PDE8B: variants seen among roughly 807,000 people sequenced by gnomAD.
The protein encoded by PDE8B is high affinity cAMP-specific and IBMX-insensitive 3',5'-cyclic phosphodiesterase 8B.
PDE8B carries 26 observed loss-of-function variants against 101.3 expected under a neutral mutation model. The observed-to-expected ratio is 0.26, with a 90% CI of 0.19 to 0.36. The LOEUF is 0.36. Among genes scored for constraint, PDE8B ranks in the 10% least tolerant of loss-of-function variants. The pLI, the probability that PDE8B is intolerant of heterozygous loss-of-function variation, is 1.00. For synonymous variants in PDE8B, 424 were observed against 429.3 expected, an observed-to-expected ratio of 0.99 and a Z score of 0.15; for missense variants, 810 against 1,163.1, an observed-to-expected ratio of 0.70 and a Z score of 4.42.
chr5:77,149,831 A>G, the PDE8B span, among the ~76,000 whole-genome samples: 1 of 152,174 alleles, frequency 6.6e-6, no homozygotes, highest in Non-Finnish European at 1.5e-5. Context: ...CTTTACTCTC[A>G]GTCTGCTTTT....
At chr5:77,164,366 A>T in the PDE8B span, among the ~76,000 whole-genome samples, 687 of 152,320 alleles carry the variant, frequency 4.5e-3, 4 homozygotes, top group Non-Finnish European at 7.8e-3. Context: ...AATAAATGTG[A>T]TGGGGTTTTA....
the PDE8B span, among the ~76,000 whole-genome samples, chr5:77,202,986 G>A: frequency 1.3e-5 from 2 of 152,174 alleles, no homozygotes; most frequent in Admixed American, 6.5e-5. Context: ...TGTTGTTCAA[G>A]GGTCAGCTGT....
At chr5:77,183,019 T>G in the PDE8B span, among the ~76,000 whole-genome samples, 1 of 151,864 alleles carries the variant, frequency 6.6e-6, no homozygotes, top group Admixed American at 6.6e-5. Context: ...TGAAAATTTT[T>G]TAAGTACTTA....
At chr5:77,402,891 T>G (rs1284598341) in intron 11 of PDE8B, among the ~76,000 whole-genome samples, 2 of 152,230 alleles carry the variant, frequency 1.3e-5, no homozygotes, top group Non-Finnish European at 2.9e-5. Context: ...CTACTAGGCT[T>G]CTTGCACCTG....
At chr5:77,184,115 C>T in the PDE8B span, among the ~76,000 whole-genome samples, 13 of 152,046 alleles carry the variant, frequency 8.6e-5, no homozygotes, top group African/African-American at 1.7e-4. Context: ...TATAGGCGTG[C>T]GCCACCATGC....
At chr5:77,309,979 T>C (rs4704405) in intron 1 of PDE8B, among the ~76,000 whole-genome samples, 98,149 of 122,738 alleles carry the variant, frequency 0.8, 39,543 homozygotes, top group East Asian at 0.96. Flanking sequence ...GATGGAGTTT[T>C]GCTCTTGTTG....
At chr5:77,421,052 G>A (rs950700947) in intron 19 of PDE8B, among the ~76,000 whole-genome samples, 4 of 152,170 alleles carry the variant, frequency 2.6e-5, no homozygotes, top group Admixed American at 6.5e-5. Context: ...AATCTTTCAG[G>A]TTCTATGTAA....
At chr5:77,107,769 C>G in the PDE8B span, among the ~76,000 whole-genome samples, 1 of 152,178 alleles carries the variant, frequency 6.6e-6, no homozygotes, top group Non-Finnish European at 1.5e-5. Flanking sequence ...TTTTGCTGGT[C>G]TGAGTTCCAA....
At chr5:77,116,224 A>ATATATT in the PDE8B span, among the ~76,000 whole-genome samples, 1 of 59,610 alleles carries the variant, frequency 1.7e-5, no homozygotes, top group African/African-American at 7.2e-5. Flanking sequence ...ATATATATAT[A>ATATATT]TTTTTTTTTT....
At chr5:77,213,574 T>A (rs1055393633) in intron 1 of PDE8B, among the ~76,000 whole-genome samples, 29 of 152,346 alleles carry the variant, frequency 1.9e-4, no homozygotes, top group African/African-American at 5.8e-4. Flanking sequence ...CTAAGCATTC[T>A]TTTTTTGCCG....
At chr5:77,406,888 C>T (rs1037887946) in intron 12 of PDE8B, among the ~76,000 whole-genome samples, 12 of 152,208 alleles carry the variant, frequency 7.9e-5, no homozygotes, top group African/African-American at 2.4e-4. Context: ...CATGGGCAGG[C>T]GGAGTGACTG....
intron 6 of PDE8B, among the ~76,000 whole-genome samples, chr5:77,344,649 C>T (rs1393342760): frequency 6.6e-6 from 1 of 152,208 alleles, no homozygotes; most frequent in East Asian, 1.9e-4. Context: ...AGCCACTTCC[C>T]AAAGGCCCTG....
chr5:77,190,954 A>C, the PDE8B span, among the ~76,000 whole-genome samples: 1 of 152,192 alleles, frequency 6.6e-6, no homozygotes, highest in East Asian at 1.9e-4. Flanking sequence ...TGGCTTAAAC[A>C]ACAGATACTC....
intron 1 of PDE8B, among the ~76,000 whole-genome samples, chr5:77,266,861 A>C (rs1761811781): frequency 6.6e-6 from 1 of 151,308 alleles, no homozygotes; most frequent in Admixed American, 6.6e-5. Flanking sequence ...TTATTTCTTG[A>C]ATCTGTTTTT....
At chr5:77,265,705 C>A (rs1294892094) in intron 1 of PDE8B, among the ~76,000 whole-genome samples, 1 of 152,046 alleles carries the variant, frequency 6.6e-6, no homozygotes, top group African/African-American at 2.4e-5. Flanking sequence ...TGGGGTTATC[C>A]TATGTTTGTC....
chr5:77,299,429 C>T (rs1028903886), intron 1 of PDE8B, among the ~76,000 whole-genome samples: 1 of 125,742 alleles, frequency 8.0e-6, no homozygotes, highest in African/African-American at 3.0e-5. Flanking sequence ...CCCCTCCCCC[C>T]ACCCCACAAC....
chr5:77,377,880 T>A (rs1290547956), intron 10 of PDE8B, among the ~76,000 whole-genome samples: 1 of 152,198 alleles, frequency 6.6e-6, no homozygotes, highest in African/African-American at 2.4e-5. Context: ...ACTTCGGGAC[T>A]TATGCTACTG....
At chr5:77,414,078 G>A (rs1050476494) in intron 17 of PDE8B, among the ~76,000 whole-genome samples, 1 of 152,156 alleles carries the variant, frequency 6.6e-6, no homozygotes, top group African/African-American at 2.4e-5. Flanking sequence ...ACATCTATCT[G>A]TAAATGCCTG....
At chr5:77,290,205 CTG>C (rs1766964583) in intron 1 of PDE8B, 2 of 1,538,164 alleles carry the variant, frequency 1.3e-6, no homozygotes, top group African/African-American at 1.4e-5. Flanking sequence ...GCCTCGCGCA[CTG>C]TGTGTGCACG....
Sources: allele counts gnomAD v4.1 joint callset (sites outside exome capture counted in the v4.1 genomes callset), GRCh38; gene constraint gnomAD v4.1.1; transcripts MANE v1.5; gene names NCBI Gene and HGNC (gene_info 2026-07-23, HGNC 2026-07-21).